The following NRG3 variants were observed in gnomAD, a reference collection of about 807,000 sequenced individuals.
The protein encoded by NRG3 is pro-neuregulin-3, membrane-bound isoform.
A neutral mutation model predicts 66.9 loss-of-function variants in NRG3; 31 were observed. The observed-to-expected ratio is 0.46, with a 90% CI of 0.35 to 0.63. NRG3 has a LOEUF of 0.63. Ranked by LOEUF, NRG3 falls within the 20% of genes least tolerant of loss-of-function variation. NRG3 has a pLI of 0.00. For missense variants in NRG3, 910 were observed against 878.9 expected (o/e 1.04, Z -0.45); for synonymous variants, 393 against 359.4 (o/e 1.09, Z -1.06).
chr10:81,929,066 G>A (rs10883933), intron 1 of NRG3, among the ~76,000 whole-genome samples: 11,293 of 152,134 alleles, frequency 0.074, 578 homozygotes, highest in South Asian at 0.17. Context: ...GGCACGCGCA[G>A]TTCTCCCACC....
At chr10:82,824,544 C>G (rs2062100435) in intron 3 of NRG3, among the ~76,000 whole-genome samples, 1 of 152,094 alleles carries the variant, frequency 6.6e-6, no homozygotes, top group Non-Finnish European at 1.5e-5. Context: ...TATTACCTGT[C>G]TTTTTGATTC....
chr10:82,695,324 G>GA (rs1217637808), intron 2 of NRG3, among the ~76,000 whole-genome samples: 9 of 151,826 alleles, frequency 5.9e-5, no homozygotes, highest in Non-Finnish European at 1.3e-4. Flanking sequence ...AAATAATGAA[G>GA]AAAAAGGAAA....
chr10:81,936,033 A>G (rs1439345118), intron 1 of NRG3, among the ~76,000 whole-genome samples: 10 of 152,062 alleles, frequency 6.6e-5, no homozygotes, highest in Admixed American at 5.9e-4. Context: ...TGTTTCAGTT[A>G]TGGTCCTGCC....
At chr10:82,853,708 T>G (rs2063673559) in intron 3 of NRG3, among the ~76,000 whole-genome samples, 1 of 152,168 alleles carries the variant, frequency 6.6e-6, no homozygotes, top group Non-Finnish European at 1.5e-5. Context: ...TGGATGCATT[T>G]TTAGGGTTTT....
At chr10:82,176,109 T>G (rs1030011376) in intron 1 of NRG3, among the ~76,000 whole-genome samples, 32 of 152,200 alleles carry the variant, frequency 2.1e-4, no homozygotes, top group Non-Finnish European at 3.8e-4. Flanking sequence ...CTTCTTGTAG[T>G]AGTTCTCAAA....
intron 3 of NRG3, among the ~76,000 whole-genome samples, chr10:82,824,904 G>T (rs919981621): frequency 2.0e-5 from 3 of 151,784 alleles, no homozygotes; most frequent in African/African-American, 7.3e-5. Context: ...TAGAGACAGG[G>T]TCTCACTGTG....
intron 6 of NRG3, among the ~76,000 whole-genome samples, chr10:82,965,679 T>C (rs1466787760): frequency 6.6e-6 from 1 of 151,974 alleles, no homozygotes; most frequent in Non-Finnish European, 1.5e-5. Flanking sequence ...GAGGTTGCAG[T>C]GAGCCGAGAT....
intron 4 of NRG3, among the ~76,000 whole-genome samples, chr10:82,948,999 A>G (rs1344267311): frequency 6.6e-6 from 1 of 152,172 alleles, no homozygotes; most frequent in Non-Finnish European, 1.5e-5. Context: ...CTTAGGGAAA[A>G]AAACATTCTT....
At chr10:82,869,888 G>A (rs934303229) in intron 4 of NRG3, among the ~76,000 whole-genome samples, 10 of 151,756 alleles carry the variant, frequency 6.6e-5, no homozygotes, top group East Asian at 1.9e-4. Context: ...GATTACAGGC[G>A]TGAGCCACCA....
intron 1 of NRG3, among the ~76,000 whole-genome samples, chr10:82,147,186 A>G (rs960638012): frequency 1.3e-5 from 2 of 152,176 alleles, no homozygotes; most frequent in African/African-American, 4.8e-5. Flanking sequence ...GATACTGACC[A>G]TTCTCTCATT....
At chr10:82,936,955 T>C (rs1433620289) in intron 4 of NRG3, among the ~76,000 whole-genome samples, 1 of 152,086 alleles carries the variant, frequency 6.6e-6, no homozygotes, top group African/African-American at 2.4e-5. Context: ...TTAAAATGAA[T>C]TAAGTTGAAT....
intron 2 of NRG3, among the ~76,000 whole-genome samples, chr10:82,542,766 G>C (rs1249486988): frequency 2.0e-5 from 3 of 152,138 alleles, no homozygotes; most frequent in African/African-American, 4.8e-5. Context: ...CCCAAATTGA[G>C]GAAATACTAT....
chr10:82,912,247 T>A (rs191892864), intron 4 of NRG3, among the ~76,000 whole-genome samples: 1 of 152,326 alleles, frequency 6.6e-6, no homozygotes, highest in Non-Finnish European at 1.5e-5. Flanking sequence ...GATAGAAGGG[T>A]TCAAGTCTTT....
chr10:82,233,759 C>T (rs912954564), intron 1 of NRG3, among the ~76,000 whole-genome samples: 1 of 152,124 alleles, frequency 6.6e-6, no homozygotes, highest in Non-Finnish European at 1.5e-5. Context: ...AACCAGAAAC[C>T]ATTGGCTTCT....
intron 2 of NRG3, among the ~76,000 whole-genome samples, chr10:82,574,550 CAAAG>C (rs1352915319): frequency 2.6e-5 from 4 of 151,692 alleles, no homozygotes; most frequent in African/African-American, 7.3e-5. Context: ...GTTCCCAACA[CAAAG>C]AAATTATAAA....
intron 1 of NRG3, among the ~76,000 whole-genome samples, chr10:82,176,603 A>G (rs751586174): frequency 3.3e-5 from 5 of 152,044 alleles, no homozygotes; most frequent in Non-Finnish European, 7.4e-5. Context: ...TCCCATCTCC[A>G]GCGGTGTTTG....
intron 1 of NRG3, among the ~76,000 whole-genome samples, chr10:81,930,631 C>G (rs954633065): frequency 2.6e-5 from 4 of 152,080 alleles, no homozygotes; most frequent in Non-Finnish European, 5.9e-5. Context: ...ATTACTTGTC[C>G]CAAGGTAGGA....
chr10:81,923,182 C>A (rs1846416082), intron 1 of NRG3, among the ~76,000 whole-genome samples: 2 of 150,762 alleles, frequency 1.3e-5, no homozygotes, highest in Admixed American at 1.3e-4. Flanking sequence ...ACTTTAAAAT[C>A]ATCTTTCTAA....
At chr10:82,906,183 G>A (rs1444776045) in intron 4 of NRG3, among the ~76,000 whole-genome samples, 1 of 152,124 alleles carries the variant, frequency 6.6e-6, no homozygotes, top group African/African-American at 2.4e-5. Context: ...CCCTCAAGTA[G>A]TCTCCTCAGC....
Sources: gnomAD v4.1 joint callset for allele counts (sites outside exome capture counted in the v4.1 genomes callset) on GRCh38, gnomAD v4.1.1 for gene constraint, MANE v1.5 for transcripts, NCBI Gene and HGNC (gene_info 2026-07-23, HGNC 2026-07-21) for gene names.